Variants in FAIM2 observed in about 807,000 individuals in gnomAD.
FAIM2 encodes protein lifeguard 2.
A neutral mutation model predicts 47.4 loss-of-function variants in FAIM2; 27 were observed. That is an observed-to-expected ratio of 0.57 (90% CI 0.42 to 0.78). FAIM2 has a LOEUF of 0.78. FAIM2 is among the 30% of genes least tolerant of loss of function. The probability of loss-of-function intolerance (pLI) is 0.00; values close to 1 mark genes in which losing one functional copy is unlikely to be tolerated. For synonymous variants in FAIM2, 156 were observed against 159.3 expected, an observed-to-expected ratio of 0.98 and a Z score of 0.16; for missense variants, 311 against 389.4, an observed-to-expected ratio of 0.80 and a Z score of 1.69.
chr12:49,892,234 G>T (rs760430693), intron 5 of FAIM2, among the ~76,000 whole-genome samples: 1 of 151,620 alleles, frequency 6.6e-6, no homozygotes, highest in South Asian at 2.1e-4. Context: ...CCCTCCTCCC[G>T]TCCCAGGCCA....
intron 5 of FAIM2, among the ~76,000 whole-genome samples, chr12:49,896,729 T>C (rs912100667): frequency 1.3e-5 from 2 of 152,224 alleles, no homozygotes; most frequent in Admixed American, 6.5e-5. Context: ...CCACTTCCTC[T>C]TAGGACCGAG....
chr12:49,878,406 ATG>A (rs1308620464), intron 11 of FAIM2, among the ~76,000 whole-genome samples: 5 of 54,424 alleles, frequency 9.2e-5, no homozygotes, highest in African/African-American at 4.4e-4. Context: ...GTCTGTGTGC[ATG>A]TGAGTGTATG....
chr12:49,875,353 T>C (rs1946728981), intron 11 of FAIM2, among the ~76,000 whole-genome samples: 1 of 152,076 alleles, frequency 6.6e-6, no homozygotes, highest in Non-Finnish European at 1.5e-5. Flanking sequence ...AGGGTGAGCT[T>C]GGGCTTTGGG....
chr12:49,898,248 C>T (rs998578697), intron 2 of FAIM2, among the ~76,000 whole-genome samples, 158 bp from the exon 3 acceptor site: 1 of 152,274 alleles, frequency 6.6e-6, no homozygotes, highest in Non-Finnish European at 1.5e-5. Context: ...AGCCCGGCTC[C>T]ACCCCAATCC....
chr12:49,892,905 G>A (rs1254765105), intron 5 of FAIM2, among the ~76,000 whole-genome samples: 1 of 152,170 alleles, frequency 6.6e-6, no homozygotes, highest in East Asian at 1.9e-4. Flanking sequence ...CTCCTGCAGA[G>A]GATGTCATGC....
At chr12:49,890,006 G>C (rs536493414) in intron 8 of FAIM2, 111 bp downstream of exon 8, 7 of 1,078,994 alleles carry the variant, frequency 6.5e-6, no homozygotes, top group Non-Finnish European at 8.5e-6. Context: ...CTGAGCCCCC[G>C]GGCCCATCCA....
intron 11 of FAIM2, among the ~76,000 whole-genome samples, chr12:49,884,800 T>C (rs406634): frequency 0.032 from 4,920 of 152,212 alleles, 236 homozygotes; most frequent in African/African-American, 0.11. Flanking sequence ...CAGTGAAAGC[T>C]CGTCTCTACT....
intron 11 of FAIM2, among the ~76,000 whole-genome samples, chr12:49,875,139 A>T (rs1946727245): frequency 6.6e-6 from 1 of 152,228 alleles, no homozygotes; most frequent in African/African-American, 2.4e-5. Flanking sequence ...ATGTGAATAA[A>T]TGTATTCACA....
Position 49,870,663 on chromosome 12 carries a change from G to T in FAIM2, c.802-10C>A. On this transcript the variant is annotated splice_polypyrimidine_tract_variant and intron_variant, in intron 11 of 11. Coordinates refer to ENST00000320634, the MANE Select transcript of FAIM2 (RefSeq NM_012306.4). Reference sequence around the variant, plus strand: ...TGTCAAGTGCCAGGAACTGGGAGAAGTGAGGAGAGAGAGAGAGAGGTCAGA... The same window carrying T: ...TGTCAAGTGCCAGGAACTGGGAGAATTGAGGAGAGAGAGAGAGAGGTCAGA... 11 of 1,613,698 alleles carry T rather than the reference G, an allele frequency of 6.8e-6. No homozygotes were observed. Among genetic ancestry groups the T allele is most frequent in the Non-Finnish European group, 9.3e-6 (11 of 1,179,920 alleles).
intron 11 of FAIM2, among the ~76,000 whole-genome samples, chr12:49,875,640 G>A (rs1232986956): frequency 2.0e-5 from 3 of 152,166 alleles, no homozygotes; most frequent in Admixed American, 6.5e-5. Context: ...AAGGGGGGTA[G>A]TGTATGAAAG....
chr12:49,900,850 A>C (rs1218268163), intron 2 of FAIM2, among the ~76,000 whole-genome samples: 2 of 151,652 alleles, frequency 1.3e-5, no homozygotes, highest in African/African-American at 4.9e-5. Context: ...TTTCTCCCTC[A>C]TCTGTCCCCT....
rs1946889502 is a variant in FAIM2 at position 49,890,128 on chromosome 12, CCCAGTGAGGTAGG to C, written c.539_551del (p.Ala180GlyfsTer49). On this transcript the variant is annotated frameshift_variant, in exon 8 of 12. Transcript: ENST00000320634. LOFTEE classifies it high-confidence loss of function. ...CCTGTTCCCTTTACCTGGACAGCATCCCAGTGAGGTAGGCCATGGACAGGGTCTGAAAGGAGAA... is the reference window on the plus strand; with the variant it reads ...CCTGTTCCCTTTACCTGGACAGCATCCCATGGACAGGGTCTGAAAGGAGAA... 1 of 1,613,938 alleles carries C rather than the reference CCCAGTGAGGTAGG, an allele frequency of 6.2e-7. No homozygotes were observed. Among genetic ancestry groups the C allele is most frequent in the Non-Finnish European group, 8.5e-7 (1 of 1,179,964 alleles).
chr12:49,878,029 G>A (rs1946751854), intron 11 of FAIM2, among the ~76,000 whole-genome samples: 1 of 141,642 alleles, frequency 7.1e-6, no homozygotes, highest in African/African-American at 2.6e-5. Context: ...TGTGAGTGTG[G>A]GTATGTGTAT....
At chr12:49,880,167 T>TGTGTGTGC (rs146657856) in intron 11 of FAIM2, among the ~76,000 whole-genome samples, 22 of 143,526 alleles carry the variant, frequency 1.5e-4, no homozygotes, top group South Asian at 4.5e-4. Context: ...TGCATGTGTG[T>TGTGTGTGC]ATGTGTGTGT....
At chr12:49,887,270 C>T (rs565619731) in intron 11 of FAIM2, 116 bp downstream of exon 11, 194 of 919,944 alleles carry the variant, frequency 2.1e-4, no homozygotes, top group Non-Finnish European at 2.8e-5. Flanking sequence ...GCCCTACCCG[C>T]AGGTGCTCCC....
At chr12:49,886,872 A>G (rs958367056) in intron 11 of FAIM2, among the ~76,000 whole-genome samples, 1 of 152,220 alleles carries the variant, frequency 6.6e-6, no homozygotes, top group African/African-American at 2.4e-5. Context: ...CAAGTGTTCA[A>G]TAAATATTAG....
rs1946997381 is a variant in FAIM2 at position 49,903,767 on chromosome 12, G to A, written c.15+11C>T. The A allele has an allele frequency of 1.9e-6, 3 of 1,550,064 alleles. No individual in the cohort carries two copies. The highest frequency in any genetic ancestry group is 2.6e-6 in the Non-Finnish European group (3 of 1,146,404). On this transcript the variant is annotated intron_variant, in intron 1 of 11. Coordinates refer to ENST00000320634, the MANE Select transcript of FAIM2 (RefSeq NM_012306.4). ...GATGGAGGATGGTGCAGGCTGGGGA[G>A]ATGCCGGTACCTTTCCCTGGGTCAT...
At chr12:49,877,970 G>C (rs1386353686) in intron 11 of FAIM2, among the ~76,000 whole-genome samples, 1 of 150,972 alleles carries the variant, frequency 6.6e-6, no homozygotes, top group Non-Finnish European at 1.5e-5. Flanking sequence ...GTATGTGTAT[G>C]TGTGCATGTA....
chr12:49,882,541 C>T (rs1419242777), intron 11 of FAIM2, among the ~76,000 whole-genome samples: 1 of 152,190 alleles, frequency 6.6e-6, no homozygotes, highest in Non-Finnish European at 1.5e-5. Context: ...GAACTGGCCC[C>T]ATGCTCTCCA....
Sources: gnomAD v4.1 joint callset for allele counts (sites outside exome capture counted in the v4.1 genomes callset) on GRCh38, gnomAD v4.1.1 for gene constraint, MANE v1.5 for transcripts, NCBI Gene and HGNC (gene_info 2026-07-23, HGNC 2026-07-21) for gene names.